APOBEC3C: variants seen among roughly 807,000 people sequenced by gnomAD.
The protein encoded by APOBEC3C is apolipoprotein B mRNA editing enzyme catalytic subunit 3C.
Under a neutral mutation model 20.6 loss-of-function variants are expected in APOBEC3C, and 14 were observed. The observed-to-expected ratio is 0.68, with a 90% CI of 0.45 to 1.06. The LOEUF (loss-of-function observed/expected upper bound fraction) is 1.06, where lower values mean the gene tolerates loss of function less well. Among genes scored for constraint, APOBEC3C ranks in the 50% least tolerant of loss-of-function variants. The pLI is 0.00. For missense variants in APOBEC3C, 244 were observed against 241.9 expected, an observed-to-expected ratio of 1.01 and a Z score of -0.06; for synonymous variants, 98 against 88.8, an observed-to-expected ratio of 1.10 and a Z score of -0.58.
At chr22:39,014,576 C>T (rs959773322) in intron 1 of APOBEC3C, among the ~76,000 whole-genome samples, 197 bp downstream of exon 1, 1 of 151,946 alleles carries the variant, frequency 6.6e-6, no homozygotes, top group African/African-American at 2.4e-5. Context: ...CTGAATGGGC[C>T]ACCTTCCCCA....
chr22:39,017,319 A>G (rs1924819483), intron 2 of APOBEC3C, among the ~76,000 whole-genome samples: 1 of 152,148 alleles, frequency 6.6e-6, no homozygotes, highest in Non-Finnish European at 1.5e-5. Context: ...GGGGCCTACT[A>G]TGTAGCCAGA....
At position 39,018,467 on chromosome 22, in the gene APOBEC3C, G is replaced by T. The variant is rs1703641958; in HGVS notation, c.*80G>T. The T allele has an allele frequency of 1.3e-6, 2 of 1,511,838 alleles. No individual in the cohort carries two copies. The highest frequency in any genetic ancestry group is 1.2e-5 in the South Asian group (1 of 82,560). 93.7% of individuals were successfully genotyped at this position (1,511,838 alleles called of 1,614,324 possible). The stretch of plus-strand genomic sequence containing the variant: ...CGGGCCTCCCCTCCACCCTGGACCC[G>T]CTCTGTTTCTGCCTGGTCATCCTGA... On this transcript the variant is annotated 3_prime_UTR_variant, in exon 4 of 4. Transcript: ENST00000361441.
At chr22:39,017,269 G>A (rs1480361612) in intron 2 of APOBEC3C, among the ~76,000 whole-genome samples, 1 of 151,936 alleles carries the variant, frequency 6.6e-6, no homozygotes, top group Non-Finnish European at 1.5e-5. Context: ...GAGAGAAGGA[G>A]AAGGATAGAA....
rs181625970 is a variant in APOBEC3C, at chr22:39,018,434, A to G, written c.*47A>G. 16,741 of 1,593,904 alleles carry G rather than the reference A, an allele frequency of 0.011. 113 individuals carry two copies. Among genetic ancestry groups the G allele is most frequent in the Non-Finnish European group, 0.013 (14,704 of 1,167,560 alleles). ...GTCTGTCTCCTCTAGCCTCCTGCTC[A>G]TGCTGCACGGGCCTCCCCTCCACCC... On this transcript the variant is annotated 3_prime_UTR_variant, in exon 4 of 4. Transcript: ENST00000361441.
intron 1 of APOBEC3C, among the ~76,000 whole-genome samples, chr22:39,015,186 C>G (rs1924735786): frequency 6.6e-6 from 1 of 151,826 alleles, no homozygotes; most frequent in African/African-American, 2.4e-5. Context: ...GTAATCCCAG[C>G]TACTTGGGAG....
chr22:39,014,765 T>C (rs976564686), intron 1 of APOBEC3C, among the ~76,000 whole-genome samples: 2 of 152,196 alleles, frequency 1.3e-5, no homozygotes, highest in Admixed American at 6.5e-5. Flanking sequence ...TCTCAGCGCT[T>C]TGGTGCAATT....
rs1271497944 is a variant in APOBEC3C, at chr22:39,020,294, G to C, written c.*1907G>C. On this transcript the variant is annotated 3_prime_UTR_variant, in exon 4 of 4. Coordinates refer to ENST00000361441, the MANE Select transcript of APOBEC3C (RefSeq NM_014508.3). ...AGAGGCTGCTCTTCCCAGGCTGCTG[G>C]ATGGCTACCTTGCAGGCTGTCACCC... 6.6e-6 allele frequency: 1 copy of C among 152,216 alleles called. No homozygotes were observed. Among genetic ancestry groups the C allele is most frequent in the Non-Finnish European group, 1.5e-5 (1 of 68,060 alleles). 9.4% of individuals were successfully genotyped at this position (152,216 alleles called of 1,614,324 possible). A position where few individuals can be genotyped will look rare whatever the true frequency, so the allele number is the denominator to read the frequency against.
In APOBEC3C at chr22:39,020,142, A is replaced by C. The variant is rs1924989405; in HGVS notation, c.*1755A>C. The C allele has an allele frequency of 6.6e-6, 1 of 152,102 alleles. No homozygotes were observed. The highest frequency in any genetic ancestry group is 2.4e-5 in the African/African-American group (1 of 41,424). The allele number at this position is 152,102 out of a possible 1,614,324, so 9.4% of individuals were successfully genotyped here. A position where few individuals can be genotyped will look rare whatever the true frequency, so the allele number is the denominator to read the frequency against. On this transcript the variant is annotated 3_prime_UTR_variant, in exon 4 of 4. Coordinates refer to ENST00000361441, the MANE Select transcript of APOBEC3C (RefSeq NM_014508.3). The stretch of plus-strand genomic sequence containing the variant: ...GTTTGTTCAATAAGCATGGACTGCA[A>C]CCACCTACATGAATATTCATAGCTC...
At chr22:39,015,504 G>T in intron 1 of APOBEC3C, 91 bp from the exon 2 acceptor site, 1 of 1,456,494 alleles carries the variant, frequency 6.9e-7, no homozygotes, top group Non-Finnish European at 9.3e-7. Context: ...CAGAGCCCAG[G>T]GACGTCCAGG....
At position 39,017,960 on chromosome 22, in the gene APOBEC3C, C is replaced by T; in HGVS notation, c.369C>T (p.Leu123=). 6.2e-7 allele frequency: 1 copy of T among 1,614,226 alleles called. No homozygotes were observed. The highest frequency in any genetic ancestry group is 8.5e-7 in the Non-Finnish European group (1 of 1,180,044). ...NVNLTIFTAR[L]YYFQYPCYQE... ...ATCTCACCATCTTCACCGCCCGCCT[C>T]TACTACTTCCAGTATCCATGTTACC... is the stretch of plus-strand genomic sequence containing the variant. The change falls in exon 3 of 4, where the codon CTC becomes CTT. Residue 123 remains leucine (L), a synonymous_variant. Coordinates refer to ENST00000361441, the MANE Select transcript of APOBEC3C (RefSeq NM_014508.3).
chr22:39,016,111 CAAGTGAT>C (rs900137807), intron 2 of APOBEC3C, among the ~76,000 whole-genome samples: 1 of 151,988 alleles, frequency 6.6e-6, no homozygotes, highest in Non-Finnish European at 1.5e-5. Flanking sequence ...CTCCTGACCT[CAAGTGAT>C]CCACCAGCCT....
chr22:39,017,507 G>A (rs920833952), intron 2 of APOBEC3C, among the ~76,000 whole-genome samples: 5 of 151,922 alleles, frequency 3.3e-5, no homozygotes, highest in Admixed American at 6.6e-5. Context: ...CAGGTGTGGC[G>A]GCATGCACCT....
At chr22:39,018,237 G>T (rs1460493958) in intron 3 of APOBEC3C, 32 bp from the exon 4 acceptor site, 3 of 1,605,842 alleles carry the variant, frequency 1.9e-6, no homozygotes, top group African/African-American at 2.7e-5. Context: ...GGCCTGCTGG[G>T]CCCTCACTGT....
chr22:39,019,765 C>A lies in APOBEC3C; in HGVS notation c.*1378C>A, dbSNP rs1304339097. Reference sequence around the variant, plus strand: ...CTGTGGCCTTTCCTCTATGCACACGCACCTCTGGGATCTCTCTGCCTCCAA... The same window carrying A: ...CTGTGGCCTTTCCTCTATGCACACGAACCTCTGGGATCTCTCTGCCTCCAA... On this transcript the variant is annotated 3_prime_UTR_variant, in exon 4 of 4. Coordinates refer to ENST00000361441, the MANE Select transcript of APOBEC3C (RefSeq NM_014508.3). The A allele has an allele frequency of 6.6e-6, 1 of 150,780 alleles. No homozygotes were observed. Among genetic ancestry groups the A allele is most frequent in the Non-Finnish European group, 1.5e-5 (1 of 67,868 alleles). The allele number at this position is 150,780 out of a possible 1,614,324, so 9.3% of individuals were successfully genotyped here. A position where few individuals can be genotyped will look rare whatever the true frequency, so the allele number is the denominator to read the frequency against.
chr22:39,017,889 T>C lies in APOBEC3C; in HGVS notation c.298T>C (p.Cys100Arg), dbSNP rs1429523776. 1.2e-6 allele frequency: 2 copies of C among 1,614,192 alleles called. No individual in the cohort carries two copies. Among genetic ancestry groups the C allele is most frequent in the Non-Finnish European group, 1.7e-6 (2 of 1,180,036 alleles). Reference protein sequence around the residue: ...WYTSWSPCPDCAGEVAEFLAR... With the variant: ...WYTSWSPCPDRAGEVAEFLAR... ...CACATCTTGGAGCCCTTGCCCAGACTGTGCAGGGGAGGTGGCCGAGTTCCT... is the reference window on the plus strand; with the variant it reads ...CACATCTTGGAGCCCTTGCCCAGACCGTGCAGGGGAGGTGGCCGAGTTCCT... Residue 100 changes from cysteine to arginine, a missense_variant, in exon 3 of 4, where the codon TGT becomes CGT. Cys to Arg is a radical substitution (Grantham distance 180). Transcript: ENST00000361441.
rs1924983522 is a variant in APOBEC3C, at chr22:39,020,066, G to A, written c.*1679G>A. 6.6e-6 allele frequency: 1 copy of A among 152,146 alleles called. No individual in the cohort carries two copies. Among genetic ancestry groups the A allele is most frequent in the South Asian group, 2.1e-4 (1 of 4,830 alleles). The allele number at this position is 152,146 out of a possible 1,614,324, so 9.4% of individuals were successfully genotyped here. ...CTGTCTCAGCCTCTCCAAGTGCTGG[G>A]ATTACAGGCATCAGCCACTATGCCC... is the stretch of plus-strand genomic sequence containing the variant. On this transcript the variant is annotated 3_prime_UTR_variant, in exon 4 of 4. Coordinates refer to ENST00000361441, the MANE Select transcript of APOBEC3C (RefSeq NM_014508.3).
At chr22:39,016,512 C>G (rs1019604454) in intron 2 of APOBEC3C, among the ~76,000 whole-genome samples, 1 of 151,714 alleles carries the variant, frequency 6.6e-6, no homozygotes, top group East Asian at 1.9e-4. Flanking sequence ...CCACTGTGCC[C>G]GGCCTCCCCA....
At position 39,018,465 on chromosome 22, in the gene APOBEC3C, C is replaced by A; in HGVS notation, c.*78C>A. ...CACGGGCCTCCCCTCCACCCTGGACCCGCTCTGTTTCTGCCTGGTCATCCT... is the reference window on the plus strand; with the variant it reads ...CACGGGCCTCCCCTCCACCCTGGACACGCTCTGTTTCTGCCTGGTCATCCT... On this transcript the variant is annotated 3_prime_UTR_variant, in exon 4 of 4. Coordinates refer to ENST00000361441, the MANE Select transcript of APOBEC3C (RefSeq NM_014508.3). 6.6e-7 allele frequency: 1 copy of A among 1,524,184 alleles called. No homozygotes were observed. Among genetic ancestry groups the A allele is most frequent in the Non-Finnish European group, 8.9e-7 (1 of 1,120,098 alleles). 94.4% of individuals were successfully genotyped at this position (1,524,184 alleles called of 1,614,324 possible).
At chr22:39,017,606 C>G (rs1330736694) in intron 2 of APOBEC3C, among the ~76,000 whole-genome samples, 160 bp from the exon 3 acceptor site, 1 of 152,126 alleles carries the variant, frequency 6.6e-6, no homozygotes, top group Non-Finnish European at 1.5e-5. Flanking sequence ...CACCACTGCA[C>G]CCCCTAACCT....
Sources: allele counts gnomAD v4.1 joint callset (sites outside exome capture counted in the v4.1 genomes callset), GRCh38; gene constraint gnomAD v4.1.1; transcripts MANE v1.5; gene names NCBI Gene and HGNC (gene_info 2026-07-23, HGNC 2026-07-21).